The following MPDZ variants were observed in gnomAD, a reference collection of about 807,000 sequenced individuals.
MPDZ encodes the protein multiple PDZ domain protein.
In MPDZ, 234 loss-of-function variants were observed where a neutral mutation model predicts 239.1. The ratio of observed to expected loss-of-function variants is 0.98; its 90% CI spans 0.88 to 1.09. The LOEUF (loss-of-function observed/expected upper bound fraction) is 1.09. Among genes scored for constraint, MPDZ ranks in the 50% least tolerant of loss-of-function variants. The pLI, the probability that MPDZ is intolerant of heterozygous loss-of-function variation, is 0.00. For missense variants in MPDZ, 3,175 were observed against 2,510.0 expected (o/e 1.26, Z -5.66); for synonymous variants, 1,048 against 881.3 (o/e 1.19, Z -3.35).
intron 12 of MPDZ, among the ~76,000 whole-genome samples, chr9:13,200,804 T>G (rs979548069): frequency 6.6e-6 from 1 of 152,100 alleles, no homozygotes; most frequent in African/African-American, 2.4e-5. Context: ...ATTTTAAGAT[T>G]TATAAAGACT....
At chr9:13,122,265 GC>G (rs1461679955) in intron 36 of MPDZ, 95 bp from the exon 37 acceptor site, 1 of 1,076,386 alleles carries the variant, frequency 9.3e-7, no homozygotes, top group Non-Finnish European at 1.4e-6. Context: ...TTGATAGACA[GC>G]AATAAGGGTT....
At chr9:13,150,750 C>A in intron 24 of MPDZ, 62 bp from the exon 25 acceptor site, 2 of 1,135,818 alleles carry the variant, frequency 1.8e-6, no homozygotes, top group East Asian at 6.4e-5. Context: ...CTTCATGATG[C>A]TGAATTTGGC....
intron 3 of MPDZ, among the ~76,000 whole-genome samples, chr9:13,243,976 T>A (rs1966012056): frequency 6.6e-6 from 1 of 152,196 alleles, no homozygotes; most frequent in African/African-American, 2.4e-5. Flanking sequence ...GCAGCCTGAG[T>A]CATCTACATT....
chr9:13,156,451 G>A (rs746780357), intron 24 of MPDZ, among the ~76,000 whole-genome samples: 12 of 152,196 alleles, frequency 7.9e-5, no homozygotes, highest in Non-Finnish European at 1.3e-4. Flanking sequence ...GCAAGGAGGA[G>A]CAAGTCACAT....
intron 24 of MPDZ, among the ~76,000 whole-genome samples, chr9:13,155,396 T>C (rs1429807621): frequency 6.6e-6 from 1 of 152,162 alleles, no homozygotes; most frequent in African/African-American, 2.4e-5. Context: ...AGAATTATTA[T>C]AATAGCAAAT....
rs780265173 is a variant in MPDZ, at chr9:13,183,469, A to G, written c.2598T>C (p.Ser866=). The G allele has an allele frequency of 3.1e-6, 5 of 1,612,222 alleles. No homozygotes were observed. Among genetic ancestry groups the G allele is most frequent in the South Asian group, 1.1e-5 (1 of 90,950 alleles). ...AACCATAGTTCAGGCCATCACCACA[A>G]GAACTGCCATGAAGAGATAAAATAG... ...QASILSLHGS[S]CGDGLNYGSS... Residue 866 remains serine, a synonymous_variant, in exon 19 of 47, where the codon TCT becomes TCC. Transcript: ENST00000319217.
At chr9:13,236,472 G>A (rs1387288093) in intron 3 of MPDZ, among the ~76,000 whole-genome samples, 2 of 149,746 alleles carry the variant, frequency 1.3e-5, no homozygotes, top group Non-Finnish European at 1.5e-5. Context: ...GTAGAGACTG[G>A]GTTTCTCCAT....
At chr9:13,124,722 A>G (rs1944869550) in intron 35 of MPDZ, among the ~76,000 whole-genome samples, 2 of 152,192 alleles carry the variant, frequency 1.3e-5, no homozygotes, top group African/African-American at 2.4e-5. Context: ...GGCAATGACT[A>G]AAGAGTTTCT....
intron 21 of MPDZ, among the ~76,000 whole-genome samples, chr9:13,172,624 T>C (rs935884954): frequency 5.3e-5 from 8 of 152,114 alleles, no homozygotes; most frequent in African/African-American, 1.9e-4. Context: ...TGACCTCAGG[T>C]GATCCACTCG....
Position 13,175,964 on chromosome 9 carries a change from T to A in MPDZ, c.2932-89A>T, listed in dbSNP as rs1025923735. 4 of 1,472,568 alleles carry A rather than the reference T, an allele frequency of 2.7e-6. No individual in the cohort carries two copies. In the African/African-American group the frequency reaches 5.7e-5, roughly 21 times the overall value. The allele number at this position is 1,472,568 out of a possible 1,614,324, so 91.2% of individuals were successfully genotyped here. ...TTCAACATCACGCATGTTCTCTAAT[T>A]GATTGTGCTTTATTTTGCAAGAACC... On this transcript the variant is annotated intron_variant, in intron 20 of 46. Coordinates refer to ENST00000319217, the MANE Select transcript of MPDZ (RefSeq NM_001378778.1).
Position 13,219,553 on chromosome 9 carries a change from A to G in MPDZ, c.1086+6T>C, listed in dbSNP as rs757927597. ...ACTTTCACATTAACTACTCTTAACT[A>G]CTTACCCGCAACTCTGGTGTTGAAG... On this transcript the variant is annotated splice_donor_region_variant and intron_variant, in intron 8 of 46. Transcript: ENST00000319217. 6.2e-7 allele frequency: 1 copy of G among 1,610,622 alleles called. No individual in the cohort carries two copies.
Position 13,126,769 on chromosome 9 carries a change from G to A in MPDZ, c.4468C>T (p.Gln1490Ter). The change falls in exon 33 of 47, where the codon CAG becomes TAG. Residue 1490 changes from glutamine (Q) to a stop codon, truncating the protein, a stop_gained. Coordinates refer to ENST00000319217, the MANE Select transcript of MPDZ (RefSeq NM_001378778.1). LOFTEE classifies it high-confidence loss of function. ...NVQHLELPKD[Q>*]GGLGIAISEE... ...CTGATAGCAATACCCAAACCCCCCT[G>A]ATCCTAGAAAAGTAAAAACAAAAAT... The A allele has an allele frequency of 6.2e-7, 1 of 1,613,352 alleles. No homozygotes were observed. The highest frequency in any genetic ancestry group is 2.2e-5 in the East Asian group (1 of 44,852).
At chr9:13,182,618 T>C (rs921104314) in intron 19 of MPDZ, among the ~76,000 whole-genome samples, 1 of 151,954 alleles carries the variant, frequency 6.6e-6, no homozygotes, top group Non-Finnish European at 1.5e-5. Flanking sequence ...GGCCAAAAGA[T>C]ATGAAGAGAT....
In MPDZ at chr9:13,227,242, C is replaced by A. The variant is rs999240492; in HGVS notation, c.184-2659G>T. Among the ~76,000 whole-genome samples, 9 of 152,190 alleles carry A rather than the reference C, an allele frequency of 5.9e-5. No individual in the cohort carries two copies. In the South Asian group the frequency reaches 1.2e-3, roughly 21 times the overall value. Reference sequence around the variant, plus strand: ...ACTTAACCATTATATTAGCTTTCTACAATCACAGATGAAAAAGAGATCAAT... The same window carrying A: ...ACTTAACCATTATATTAGCTTTCTAAAATCACAGATGAAAAAGAGATCAAT... On this transcript the variant is annotated intron_variant, in intron 3 of 46. Transcript: ENST00000319217.
rs1187616486 is a variant in MPDZ, at chr9:13,279,383, G to A, written c.-58+17C>T. Reference sequence around the variant, plus strand: ...GGCGCGCCTCGGCCTCTGGGCCGGGGCTCAAGCGCCGCTTACCCGGCTCGC... The same window carrying A: ...GGCGCGCCTCGGCCTCTGGGCCGGGACTCAAGCGCCGCTTACCCGGCTCGC... On this transcript the variant is annotated intron_variant, in intron 1 of 46. Transcript: ENST00000319217. 6.9e-6 allele frequency: 1 copy of A among 145,672 alleles called. No homozygotes were observed. Among genetic ancestry groups the A allele is most frequent in the South Asian group, 2.1e-4 (1 of 4,748 alleles). The allele number at this position is 145,672 out of a possible 1,614,324, so 9.0% of individuals were successfully genotyped here.
At chr9:13,265,137 T>C (rs952479592) in intron 1 of MPDZ, among the ~76,000 whole-genome samples, 1 of 152,200 alleles carries the variant, frequency 6.6e-6, no homozygotes, top group Non-Finnish European at 1.5e-5. Context: ...TGCAGAAGAC[T>C]TAACTTTGTG....
intron 3 of MPDZ, among the ~76,000 whole-genome samples, chr9:13,226,412 T>C (rs1002470943): frequency 6.6e-6 from 1 of 152,118 alleles, no homozygotes; most frequent in Admixed American, 6.6e-5. Flanking sequence ...TTCATTGATG[T>C]TTTTGAGTCA....
chr9:13,176,548 A>G, intron 19 of MPDZ, 131 bp from the exon 20 acceptor site: 1 of 828,178 alleles, frequency 1.2e-6, no homozygotes, highest in South Asian at 2.6e-5. Context: ...TTACTCAAAA[A>G]GCATTAACAA....
At chr9:13,194,935 G>C (rs903996652) in intron 13 of MPDZ, among the ~76,000 whole-genome samples, 41 of 151,912 alleles carry the variant, frequency 2.7e-4, no homozygotes, top group Non-Finnish European at 4.4e-5. Flanking sequence ...TAAAATGGTA[G>C]TAACAGCTAT....
Sources: gnomAD v4.1 joint callset for allele counts (sites outside exome capture counted in the v4.1 genomes callset) on GRCh38, gnomAD v4.1.1 for gene constraint, MANE v1.5 for transcripts, NCBI Gene and HGNC (gene_info 2026-07-23, HGNC 2026-07-21) for gene names.